The following BTLA variants were observed in gnomAD, a reference collection of about 807,000 sequenced individuals.
The protein encoded by BTLA is B- and T-lymphocyte attenuator.
A neutral mutation model predicts 25.0 loss-of-function variants in BTLA; 11 were observed. The ratio of observed to expected loss-of-function variants is 0.44; its 90% CI spans 0.28 to 0.73. The LOEUF (loss-of-function observed/expected upper bound fraction) is 0.73. Ranked by LOEUF, BTLA falls within the 30% of genes least tolerant of loss-of-function variation. BTLA has a pLI of 0.15. For synonymous variants in BTLA, 104 were observed against 119.8 expected (o/e 0.87, Z 0.86); for missense variants, 282 against 332.8 (o/e 0.85, Z 1.19).
intron 2 of BTLA, among the ~76,000 whole-genome samples, chr3:112,479,005 T>C (rs1201948533): frequency 6.6e-6 from 1 of 151,960 alleles, no homozygotes. Context: ...TATTAAGAAG[T>C]GTTTAATTGC....
At chr3:112,470,064 G>A (rs1337728066) in intron 3 of BTLA, 1 of 329,776 alleles carries the variant, frequency 3.0e-6, no homozygotes, top group Non-Finnish European at 5.6e-6. Flanking sequence ...ACTTGGAAGA[G>A]ACTGGAAGTC....
intron 1 of BTLA, among the ~76,000 whole-genome samples, chr3:112,494,597 C>T (rs545531322): frequency 6.6e-6 from 1 of 152,294 alleles, no homozygotes; most frequent in South Asian, 2.1e-4. Flanking sequence ...AGATCATGCC[C>T]TTTGCAGGGA....
At chr3:112,469,607 G>GTGTATATATA (rs1277321074) in intron 4 of BTLA, 151 bp downstream of exon 4, 1 of 58,356 alleles carries the variant, frequency 1.7e-5, no homozygotes, top group African/African-American at 7.1e-5. Flanking sequence ...ATGGGTCTAT[G>GTGTATATATA]TATATATATA....
intron 1 of BTLA, among the ~76,000 whole-genome samples, chr3:112,496,029 A>G (rs2082407360): frequency 1.3e-5 from 2 of 152,222 alleles, no homozygotes; most frequent in Middle Eastern, 3.2e-3. Context: ...CACAATAACC[A>G]GTAATCAATC....
intron 1 of BTLA, among the ~76,000 whole-genome samples, chr3:112,493,545 T>C (rs2082391699): frequency 6.6e-6 from 1 of 152,204 alleles, no homozygotes; most frequent in Non-Finnish European, 1.5e-5. Context: ...CTCACTCTGT[T>C]ACCCAGCTGG....
intron 1 of BTLA, among the ~76,000 whole-genome samples, chr3:112,493,838 C>T (rs1024396042): frequency 1.3e-5 from 2 of 149,536 alleles, no homozygotes; most frequent in Non-Finnish European, 3.0e-5. Flanking sequence ...ACTGGCTGGG[C>T]GCGGTGGCTC....
At chr3:112,497,330 G>A (rs766473145) in intron 1 of BTLA, among the ~76,000 whole-genome samples, 28 of 152,184 alleles carry the variant, frequency 1.8e-4, no homozygotes, top group South Asian at 2.1e-4. Flanking sequence ...TACCTGTATT[G>A]TACAAATGAG....
intron 1 of BTLA, among the ~76,000 whole-genome samples, chr3:112,486,367 A>C (rs1000915789): frequency 6.6e-5 from 10 of 152,228 alleles, no homozygotes; most frequent in African/African-American, 2.4e-4. Context: ...TAATCATGAG[A>C]TAAAACAAGT....
At chr3:112,493,806 C>T (rs1322496332) in intron 1 of BTLA, among the ~76,000 whole-genome samples, 1 of 149,764 alleles carries the variant, frequency 6.7e-6, no homozygotes, top group Non-Finnish European at 1.5e-5. Context: ...CCAGCCTAAA[C>T]AGACACTTCT....
Position 112,464,434 on chromosome 3 carries a change from T to A in BTLA, c.*1674A>T. On this transcript the variant is annotated 3_prime_UTR_variant, in exon 5 of 5. Transcript: ENST00000334529. Reference sequence around the variant, plus strand: ...AATACCACAAGCAGCTATTCTAACATGTCTTTCTTACATAAGTTGTCCACA... The same window carrying A: ...AATACCACAAGCAGCTATTCTAACAAGTCTTTCTTACATAAGTTGTCCACA... The A allele has an allele frequency of 3.1e-6, 1 of 319,232 alleles. No individual in the cohort carries two copies. The highest frequency in any genetic ancestry group is 5.7e-6 in the Non-Finnish European group (1 of 175,100). 19.8% of individuals were successfully genotyped at this position (319,232 alleles called of 1,614,324 possible). A position where few individuals can be genotyped will look rare whatever the true frequency, so the allele number is the denominator to read the frequency against.
chr3:112,473,489 A>T (rs1257305279), intron 2 of BTLA, among the ~76,000 whole-genome samples: 5 of 152,108 alleles, frequency 3.3e-5, no homozygotes, highest in African/African-American at 1.2e-4. Context: ...AAGAAGAGGC[A>T]CATTCAGCAG....
intron 2 of BTLA, among the ~76,000 whole-genome samples, chr3:112,472,584 C>T (rs1451670244): frequency 1.3e-5 from 2 of 152,012 alleles, no homozygotes; most frequent in Non-Finnish European, 2.9e-5. Flanking sequence ...ATCCCAGGTA[C>T]ATGGGAGGCT....
At chr3:112,494,592 ATGCCCTT>A (rs1576693952) in intron 1 of BTLA, among the ~76,000 whole-genome samples, 1 of 152,370 alleles carries the variant, frequency 6.6e-6, no homozygotes, top group East Asian at 1.9e-4. Flanking sequence ...GAATGAGATC[ATGCCCTT>A]TGCAGGGACA....
Position 112,479,456 on chromosome 3 carries a change from T to C in BTLA, c.402A>G (p.Thr134=). 1.2e-6 allele frequency: 2 copies of C among 1,606,680 alleles called. No individual in the cohort carries two copies. Among genetic ancestry groups the C allele is most frequent in the Non-Finnish European group, 1.7e-6 (2 of 1,174,954 alleles). The part of the protein sequence containing the change: ...IESHSTTLYV[T]DVKSASERPS... The stretch of plus-strand genomic sequence containing the variant: ...ATGGTCTAGGTGTTGAGAACTCACC[T>C]GTCACATAAAGAGTTGTTGAGTGGC... Residue 134 remains threonine, a splice_region_variant and synonymous_variant, in exon 2 of 5, where the codon ACA becomes ACG. Transcript: ENST00000334529.
At chr3:112,480,528 C>T (rs1479369751) in intron 1 of BTLA, among the ~76,000 whole-genome samples, 1 of 152,190 alleles carries the variant, frequency 6.6e-6, no homozygotes, top group Non-Finnish European at 1.5e-5. Flanking sequence ...AGCATGGTGC[C>T]AGCATCTAGC....
chr3:112,479,923 T>C (rs1486754539), intron 1 of BTLA, among the ~76,000 whole-genome samples, 154 bp from the exon 2 acceptor site: 1 of 152,208 alleles, frequency 6.6e-6, no homozygotes, highest in Non-Finnish European at 1.5e-5. Flanking sequence ...GTCTCATACA[T>C]ATTAGGCATA....
At chr3:112,469,607 G>GTATA (rs60258722) in intron 4 of BTLA, 151 bp downstream of exon 4, 1,512 of 57,738 alleles carry the variant, frequency 0.026, 78 homozygotes, top group African/African-American at 0.058. Context: ...ATGGGTCTAT[G>GTATA]TATATATATA....
chr3:112,470,814 G>A (rs776427627), intron 3 of BTLA, among the ~76,000 whole-genome samples: 41 of 152,186 alleles, frequency 2.7e-4, no homozygotes, highest in Non-Finnish European at 1.3e-4. Flanking sequence ...ATGATGTGGT[G>A]TGGCTGTGAA....
In BTLA at chr3:112,491,286, C is replaced by T. The variant is rs148137576; in HGVS notation, c.88+7985G>A. ...TCTTTGCCACTTGCCCACAGGTACA[C>T]TCCACCTCACATTATCTATATACTG... On this transcript the variant is annotated intron_variant, in intron 1 of 4. Transcript: ENST00000334529. 2.3e-3 allele frequency among the ~76,000 whole-genome samples: 351 copies of T among 152,252 alleles called. 3 individuals are homozygous for T. Among genetic ancestry groups the T allele is most frequent in the Middle Eastern group, 6.8e-3 (2 of 294 alleles).
Sources: allele counts gnomAD v4.1 joint callset (sites outside exome capture counted in the v4.1 genomes callset), GRCh38; gene constraint gnomAD v4.1.1; transcripts MANE v1.5; gene names NCBI Gene and HGNC (gene_info 2026-07-23, HGNC 2026-07-21).